CNGA1: variants seen among roughly 807,000 people sequenced by gnomAD.
The protein encoded by CNGA1 is cyclic nucleotide gated channel subunit alpha 1.
In CNGA1, 53 loss-of-function variants were observed where a neutral mutation model predicts 69.7. The observed-to-expected ratio is 0.76, with a 90% CI of 0.61 to 0.96. The LOEUF (loss-of-function observed/expected upper bound fraction) is 0.96. Among genes scored for constraint, CNGA1 ranks in the 40% least tolerant of loss-of-function variants. The pLI, the probability that CNGA1 is intolerant of heterozygous loss-of-function variation, is 0.00. For synonymous variants in CNGA1, 249 were observed against 283.5 expected (o/e 0.88, Z 1.22); for missense variants, 739 against 811.2 (o/e 0.91, Z 1.08).
At chr4:47,940,258 G>T (rs190912957) in intron 10 of CNGA1, among the ~76,000 whole-genome samples, 14 of 152,352 alleles carry the variant, frequency 9.2e-5, no homozygotes, top group Non-Finnish European at 1.6e-4. Context: ...ATGTGAGAGT[G>T]TAGAAACAAT....
chr4:47,971,465 A>G (rs1217253288), intron 3 of CNGA1, among the ~76,000 whole-genome samples: 1 of 152,186 alleles, frequency 6.6e-6, no homozygotes, highest in Non-Finnish European at 1.5e-5. Context: ...TTCATTTTAT[A>G]TGAACTATAA....
chr4:48,009,071 T>C (rs1233852425), intron 2 of CNGA1, among the ~76,000 whole-genome samples: 1 of 152,240 alleles, frequency 6.6e-6, no homozygotes, highest in Admixed American at 6.5e-5. Flanking sequence ...GGGATAAGTA[T>C]GAAATTGCTT....
chr4:47,989,899 A>T (rs565771928), intron 2 of CNGA1, among the ~76,000 whole-genome samples: 2 of 151,896 alleles, frequency 1.3e-5, no homozygotes, highest in East Asian at 3.9e-4. Flanking sequence ...CAGCAGAAGA[A>T]CATAAATTGT....
At chr4:47,986,077 C>T (rs571409557) in intron 2 of CNGA1, among the ~76,000 whole-genome samples, 2 of 152,256 alleles carry the variant, frequency 1.3e-5, no homozygotes, top group South Asian at 2.1e-4. Context: ...ACCCATTATG[C>T]TGCAATGGGA....
chr4:47,958,493 G>A lies in CNGA1; in HGVS notation c.-14-5790C>T, dbSNP rs1343669696. ...ACAAAAATTAGCAGGGCATGATGGC[G>A]GGTGACTAATCCCAGCTACTTGGGA... On this transcript the variant is annotated intron_variant, in intron 3 of 10. Coordinates refer to ENST00000514170, the MANE Select transcript of CNGA1 (RefSeq NM_001379270.1). Among the ~76,000 whole-genome samples the A allele has an allele frequency of 3.9e-5, 6 of 151,940 alleles. No individual in the cohort carries two copies. The East Asian group carries it at 5.8e-4, about 15-fold the overall frequency.
chr4:47,955,168 C>CTTTTTTTTT (rs1739996737), intron 3 of CNGA1, among the ~76,000 whole-genome samples: 1 of 107,568 alleles, frequency 9.3e-6, no homozygotes, highest in Non-Finnish European at 1.8e-5. Context: ...TCTCTTTTTT[C>CTTTTTTTTT]TTTTCTTTTT....
chr4:47,947,501 C>T (rs1739470330), intron 6 of CNGA1, among the ~76,000 whole-genome samples: 1 of 151,864 alleles, frequency 6.6e-6, no homozygotes, highest in Non-Finnish European at 1.5e-5. Flanking sequence ...CATGGCGAAA[C>T]CCCACTAAAA....
chr4:47,987,450 G>A (rs1251426914), intron 2 of CNGA1, among the ~76,000 whole-genome samples: 2 of 152,118 alleles, frequency 1.3e-5, no homozygotes, highest in Non-Finnish European at 2.9e-5. Context: ...AACTGTAAAT[G>A]TCATGAGATC....
intron 2 of CNGA1, among the ~76,000 whole-genome samples, chr4:47,990,403 A>G (rs1196576936): frequency 2.6e-5 from 4 of 152,086 alleles, no homozygotes; most frequent in Non-Finnish European, 4.4e-5. Context: ...GGTCTCTTGC[A>G]GTACCCTCAG....
intron 2 of CNGA1, among the ~76,000 whole-genome samples, chr4:47,999,167 T>C (rs1714544092): frequency 1.3e-5 from 2 of 152,248 alleles, no homozygotes; most frequent in South Asian, 4.1e-4. Flanking sequence ...TATATTGTTA[T>C]AATTGTTCAA....
chr4:47,955,114 T>C (rs1037686513), intron 3 of CNGA1, among the ~76,000 whole-genome samples: 5 of 152,070 alleles, frequency 3.3e-5, no homozygotes, highest in Non-Finnish European at 7.4e-5. Context: ...GTGACTCAAT[T>C]AGGATATGAA....
intron 4 of CNGA1, among the ~76,000 whole-genome samples, chr4:47,951,898 C>T (rs964120402): frequency 6.6e-6 from 1 of 152,186 alleles, no homozygotes; most frequent in African/African-American, 2.4e-5. Context: ...TTAAATTATA[C>T]TTTTAAATCA....
chr4:47,957,860 AT>A (rs1459167539), intron 3 of CNGA1, among the ~76,000 whole-genome samples: 2 of 151,240 alleles, frequency 1.3e-5, no homozygotes, highest in African/African-American at 4.9e-5. Flanking sequence ...TGTTGTAAGC[AT>A]TTGATAATGT....
intron 8 of CNGA1, 34 bp downstream of exon 8, chr4:47,943,147 T>C (rs773409199): frequency 3.5e-6 from 5 of 1,441,918 alleles, no homozygotes; most frequent in Non-Finnish European, 3.9e-6. Flanking sequence ...CCATCACAAT[T>C]TCCTTCTATT....
At chr4:47,975,683 G>T (rs924802588) in intron 3 of CNGA1, among the ~76,000 whole-genome samples, 1 of 152,104 alleles carries the variant, frequency 6.6e-6, no homozygotes, top group East Asian at 1.9e-4. Flanking sequence ...ATAAATATTT[G>T]TTAAATAAGC....
In CNGA1 at chr4:47,936,640, A is replaced by T. The variant is rs769653731; in HGVS notation, c.1842T>A (p.Ser614Arg). 8 of 1,614,068 alleles carry T rather than the reference A, an allele frequency of 5.0e-6. No homozygotes were observed. In the African/African-American group the frequency reaches 9.3e-5, roughly 19 times the overall value. ...LLDLNIANAG[S>R]DPKDLEEKVT... ...CCTTCTCTTCAAGATCTTTAGGATC[A>T]CTGCCAGCATTTGCAATGTTTAGAT... The change falls in exon 11 of 11, where the codon AGT becomes AGA. Residue 614 changes from serine to arginine, a missense_variant. By Grantham distance (110) the Ser-to-Arg change is moderately radical. Coordinates refer to ENST00000514170, the MANE Select transcript of CNGA1 (RefSeq NM_001379270.1).
chr4:47,985,551 C>G (rs1741939921), intron 2 of CNGA1, among the ~76,000 whole-genome samples: 8 of 151,968 alleles, frequency 5.3e-5, no homozygotes, highest in Admixed American at 4.6e-4. Flanking sequence ...TATAGTAAAC[C>G]TTTCTTCCTT....
chr4:47,977,845 A>C (rs753409314), intron 3 of CNGA1, among the ~76,000 whole-genome samples: 2 of 146,560 alleles, frequency 1.4e-5, no homozygotes, highest in Non-Finnish European at 3.0e-5. Context: ...TTTTTTCTTG[A>C]GACAGAGTTT....
chr4:47,942,268 G>C (rs1011614469), intron 8 of CNGA1, 120 bp from the exon 9 acceptor site: 2 of 720,202 alleles, frequency 2.8e-6, no homozygotes, highest in African/African-American at 1.7e-5. Flanking sequence ...AGCTGGAGAA[G>C]CTCACTCTGC....
Sources: allele counts gnomAD v4.1 joint callset (sites outside exome capture counted in the v4.1 genomes callset), GRCh38; gene constraint gnomAD v4.1.1; transcripts MANE v1.5; gene names NCBI Gene and HGNC (gene_info 2026-07-23, HGNC 2026-07-21).